The following MAU2 variants were observed in gnomAD, a reference collection of about 807,000 sequenced individuals.
MAU2 encodes the protein MAU2 chromatid cohesion factor homolog.
MAU2 carries 9 observed loss-of-function variants against 89.1 expected under a neutral mutation model. The observed-to-expected ratio is 0.10, with a 90% CI of 0.06 to 0.18. The LOEUF (loss-of-function observed/expected upper bound fraction) is 0.18. MAU2 is among the 10% of genes least tolerant of loss of function. The probability of loss-of-function intolerance (pLI) is 1.00; values close to 1 mark genes in which losing one functional copy is unlikely to be tolerated. For missense variants in MAU2, 425 were observed against 803.5 expected (o/e 0.53, Z 5.69); for synonymous variants, 357 against 343.4 (o/e 1.04, Z -0.44).
intron 5 of MAU2, 26 bp from the exon 6 acceptor site, chr19:19,340,820 C>A (rs1305521594): frequency 6.2e-7 from 1 of 1,612,834 alleles, no homozygotes; most frequent in Admixed American, 1.7e-5. Context: ...CCTGCTAGGA[C>A]CTGACCCCTG....
rs970868081 is a variant in MAU2, at chr19:19,357,507, G to C, written c.*1725G>C. The C allele has an allele frequency of 2.0e-5, 3 of 153,070 alleles. No individual in the cohort carries two copies. Among genetic ancestry groups the C allele is most frequent in the Non-Finnish European group, 4.4e-5 (3 of 68,112 alleles). The allele number at this position is 153,070 out of a possible 1,614,324, so 9.5% of individuals were successfully genotyped here. On this transcript the variant is annotated 3_prime_UTR_variant, in exon 19 of 19. Transcript: ENST00000262815. The stretch of plus-strand genomic sequence containing the variant: ...CTCCACAATGTGCTCCTGCCCACCC[G>C]GGTTCCGCACTGTCCGACCCCTGCA...
At chr19:19,334,247 C>T (rs1407553551) in intron 1 of MAU2, 1 of 985,446 alleles carries the variant, frequency 1.0e-6, no homozygotes, top group Non-Finnish European at 1.2e-6. Context: ...CTCTGAGGAC[C>T]CCGAGCCCCT....
At chr19:19,329,393 CT>C (rs1459249742) in intron 1 of MAU2, among the ~76,000 whole-genome samples, 1 of 152,190 alleles carries the variant, frequency 6.6e-6, no homozygotes, top group Admixed American at 6.5e-5. Flanking sequence ...CAGCTGGTCC[CT>C]TCCTCTCCCA....
chr19:19,345,605 GGA>G lies in MAU2; in HGVS notation c.1221+240_1221+241del, dbSNP rs2061686864. 6.6e-6 allele frequency among the ~76,000 whole-genome samples: 1 copy of G among 152,204 alleles called. No individual in the cohort carries two copies. Among genetic ancestry groups the G allele is most frequent in the South Asian group, 2.1e-4 (1 of 4,830 alleles). On this transcript the variant is annotated intron_variant, in intron 12 of 18. Transcript: ENST00000262815. The surrounding 1 kb of genome is among the most constrained non-coding windows in gnomAD (Gnocchi z 4.9). The stretch of plus-strand genomic sequence containing the variant: ...GAGCTGACCCAAGGGCAGACGTGAG[GGA>G]GAGGTGCGACGCGTCCGGGGACACC...
rs1184799356 is a variant in MAU2 at position 19,345,548 on chromosome 19, A to G, written c.1221+179A>G. 2.0e-5 allele frequency among the ~76,000 whole-genome samples: 3 copies of G among 152,204 alleles called. No homozygotes were observed. The highest frequency in any genetic ancestry group is 6.5e-5 in the Admixed American group (1 of 15,290). ...TGGCAGTGACGCGCTGTTTATCTGG[A>G]TAAGGGACAGCTATGGGGCCAGGGG... On this transcript the variant is annotated intron_variant, in intron 12 of 18. Coordinates refer to ENST00000262815, the MANE Select transcript of MAU2 (RefSeq NM_015329.4). This position sits in a 1 kb window ranked among gnomAD's most constrained non-coding sequence, Gnocchi z 4.9.
At chr19:19,354,088 G>T in intron 16 of MAU2, 1 of 518,586 alleles carries the variant, frequency 1.9e-6, no homozygotes, top group East Asian at 3.5e-5. Context: ...GCTTGAACAG[G>T]TAGAAGCCCC....
rs557383901 is a variant in MAU2 at position 19,355,855 on chromosome 19, G to T, written c.*73G>T. ...TTCCACCCAGACGGCACTCAAGCCT[G>T]CCCCCGAGGCGTGCTTCCTTCCTGA... On this transcript the variant is annotated 3_prime_UTR_variant, in exon 19 of 19. Coordinates refer to ENST00000262815, the MANE Select transcript of MAU2 (RefSeq NM_015329.4). 2 of 1,363,222 alleles carry T rather than the reference G, an allele frequency of 1.5e-6. No homozygotes were observed. The highest frequency in any genetic ancestry group is 2.1e-6 in the Non-Finnish European group (2 of 965,308). 84.4% of individuals were successfully genotyped at this position (1,363,222 alleles called of 1,614,324 possible).
At chr19:19,342,513 C>T in intron 7 of MAU2, 22 bp from the exon 8 acceptor site, 1 of 1,537,416 alleles carries the variant, frequency 6.5e-7, no homozygotes, top group African/African-American at 1.4e-5. Context: ...CAGGTGGATG[C>T]TCGGGTGTGG....
At position 19,342,585 on chromosome 19, in the gene MAU2, C is replaced by T. The variant is rs776769884; in HGVS notation, c.786C>T (p.Thr262=). 1 of 1,611,878 alleles carries T rather than the reference C, an allele frequency of 6.2e-7. No homozygotes were observed. ...CLKQLQQCIQ[T]ISTLHDDEIL... ...AGCAGCTGCAGCAGTGCATCCAGACCATCTCCACACTGCACGATGATGAGA... is the reference window on the plus strand; with the variant it reads ...AGCAGCTGCAGCAGTGCATCCAGACTATCTCCACACTGCACGATGATGAGA... Residue 262 remains threonine, a synonymous_variant, in exon 8 of 19, where the codon ACC becomes ACT. Coordinates refer to ENST00000262815, the MANE Select transcript of MAU2 (RefSeq NM_015329.4).
At chr19:19,344,134 G>A (rs1308680560) in intron 10 of MAU2, 194 bp downstream of exon 10, 4 of 576,284 alleles carry the variant, frequency 6.9e-6, no homozygotes, top group East Asian at 3.0e-5. Flanking sequence ...AGTGGAGGCC[G>A]GGCGCAGTGG....
intron 1 of MAU2, among the ~76,000 whole-genome samples, chr19:19,324,261 T>C (rs770798140): frequency 2.0e-5 from 3 of 152,062 alleles, no homozygotes; most frequent in Admixed American, 6.6e-5. Context: ...GAGGCCTGAA[T>C]GGGTGGGGCA....
chr19:19,339,025 C>T (rs2061619259), intron 5 of MAU2, 86 bp downstream of exon 5: 1 of 1,073,056 alleles, frequency 9.3e-7, no homozygotes, highest in Non-Finnish European at 1.4e-6. Context: ...ACAGAAATGG[C>T]ATTTCAGGTG....
intron 7 of MAU2, among the ~76,000 whole-genome samples, chr19:19,342,091 C>T (rs576570895): frequency 1.3e-5 from 2 of 152,296 alleles, no homozygotes; most frequent in African/African-American, 4.8e-5. Flanking sequence ...GCCACGCTTC[C>T]CTCAGGGTGC....
At chr19:19,333,529 C>A (rs1038785954) in intron 1 of MAU2, among the ~76,000 whole-genome samples, 3 of 152,236 alleles carry the variant, frequency 2.0e-5, no homozygotes, top group Non-Finnish European at 4.4e-5. Context: ...ATTGTTGGAC[C>A]CACATGGGCC....
chr19:19,346,857 T>TCTTCCCCA (rs1276587050), intron 12 of MAU2: 7 of 161,488 alleles, frequency 4.3e-5, no homozygotes, highest in African/African-American at 1.7e-4. Context: ...ACAGCTCCCC[T>TCTTCCCCA]CTTCCCCACT....
At chr19:19,321,901 A>C (rs998336249) in intron 1 of MAU2, 4 of 152,166 alleles carry the variant, frequency 2.6e-5, no homozygotes, top group Non-Finnish European at 5.9e-5. Context: ...CTCTTCCGTC[A>C]GAGTGAGTCC....
Position 19,343,755 on chromosome 19 carries a change from G to A in MAU2, c.974-82G>A, listed in dbSNP as rs1404089828. The A allele has an allele frequency of 4.0e-6, 4 of 1,001,712 alleles. No individual in the cohort carries two copies. The African/African-American group carries it at 4.7e-5, about 12-fold the overall frequency. The allele number at this position is 1,001,712 out of a possible 1,614,324, so 62.1% of individuals were successfully genotyped here. A position where few individuals can be genotyped will look rare whatever the true frequency, so the allele number is the denominator to read the frequency against. On this transcript the variant is annotated intron_variant, in intron 9 of 18. Transcript: ENST00000262815. ...GCCTAGCCAGTGTGGCAGGAGACAG[G>A]AACGAGGTGGGGGCACGGTGGGCTG...
At chr19:19,324,771 C>T (rs779116859) in intron 1 of MAU2, among the ~76,000 whole-genome samples, 1 of 152,192 alleles carries the variant, frequency 6.6e-6, no homozygotes, top group Non-Finnish European at 1.5e-5. Context: ...CTGGAAATCC[C>T]GTTCTTTTTG....
chr19:19,357,668 A>T lies in MAU2; in HGVS notation c.*1886A>T, dbSNP rs751844178. ...GAACTTAACATCTGTCCTGATGTTA[A>T]AGTGCTTTTCATGACCACCCTGTTA... On this transcript the variant is annotated 3_prime_UTR_variant, in exon 19 of 19. Transcript: ENST00000262815. 2 of 152,428 alleles carry T rather than the reference A, an allele frequency of 1.3e-5. No individual in the cohort carries two copies. The highest frequency in any genetic ancestry group is 2.4e-5 in the African/African-American group (1 of 41,400). 9.4% of individuals were successfully genotyped at this position (152,428 alleles called of 1,614,324 possible). A position where few individuals can be genotyped will look rare whatever the true frequency, so the allele number is the denominator to read the frequency against.
Sources: gnomAD v4.1 joint callset for allele counts (sites outside exome capture counted in the v4.1 genomes callset) on GRCh38, gnomAD v4.1.1 for gene constraint, Gnocchi (gnomAD v3.1) non-coding constraint, MANE v1.5 for transcripts, NCBI Gene and HGNC (gene_info 2026-07-23, HGNC 2026-07-21) for gene names.